The following CCDC102B variants were observed in gnomAD, a reference collection of about 807,000 sequenced individuals.
CCDC102B encodes the protein coiled-coil domain-containing protein 102B.
A neutral mutation model predicts 57.4 loss-of-function variants in CCDC102B; 75 were observed. The ratio of observed to expected loss-of-function variants is 1.31; its 90% CI spans 1.08 to 1.58. The LOEUF is 1.58. Ranked by LOEUF, CCDC102B falls within the 40% of genes most tolerant of loss-of-function variation. CCDC102B has a pLI of 0.00. For missense variants in CCDC102B, 636 were observed against 582.6 expected (o/e 1.09, Z -0.94); for synonymous variants, 206 against 201.9 (o/e 1.02, Z -0.17).
At chr18:68,979,114 T>C (rs1242475165) in intron 6 of CCDC102B, among the ~76,000 whole-genome samples, 3 of 152,016 alleles carry the variant, frequency 2.0e-5, no homozygotes, top group African/African-American at 7.2e-5. Context: ...GTATTCTAAG[T>C]GGGAGGTGGG....
In CCDC102B at chr18:68,743,243, AT is replaced by A. The variant is rs1377022560; in HGVS notation, c.-67+26650del. On this transcript the variant is annotated intron_variant, in intron 2 of 3. Transcript: ENST00000578970. ...AATAAATAAATAAATAAATAAATAA[AT>A]AAATAAATAAAAAATTAGACAGGTG... Among the ~76,000 whole-genome samples the A allele has an allele frequency of 2.8e-4, 24 of 84,354 alleles. No homozygotes were observed. In the South Asian group the frequency reaches 4.5e-3, roughly 16 times the overall value. 55.3% of individuals were successfully genotyped at this position (84,354 alleles called of 152,430 possible). A position where few individuals can be genotyped will look rare whatever the true frequency, so the allele number is the denominator to read the frequency against.
chr18:68,781,843 A>G (rs1468235632), intron 2 of CCDC102B, among the ~76,000 whole-genome samples: 3 of 152,070 alleles, frequency 2.0e-5, no homozygotes, highest in African/African-American at 7.2e-5. Flanking sequence ...TTTGTAGATT[A>G]TTTTAGTTAA....
chr18:68,765,306 AAGGAAGGAAG>A (rs1568238520), intron 2 of CCDC102B, among the ~76,000 whole-genome samples: 1 of 64,930 alleles, frequency 1.5e-5, no homozygotes, highest in Non-Finnish European at 3.1e-5. Flanking sequence ...GGAAGGAAGG[AAGGAAGGAAG>A]GAAGGAAGGA....
At chr18:68,754,571 GTGT>G (rs1444474324) in intron 2 of CCDC102B, 1 of 152,144 alleles carries the variant, frequency 6.6e-6, no homozygotes, top group Non-Finnish European at 1.5e-5. Context: ...ATGTTGCAGT[GTGT>G]TGTGATTCCA....
chr18:68,964,975 G>A (rs2050133109), intron 6 of CCDC102B, among the ~76,000 whole-genome samples: 1 of 151,824 alleles, frequency 6.6e-6, no homozygotes, highest in Non-Finnish European at 1.5e-5. Context: ...TTTCCCTATA[G>A]GTAAAGGGTT....
At chr18:68,906,937 T>TTATACTTC (rs2040672399) in intron 6 of CCDC102B, among the ~76,000 whole-genome samples, 3 of 152,048 alleles carry the variant, frequency 2.0e-5, no homozygotes, top group Admixed American at 2.0e-4. Context: ...TTTTATACTT[T>TTATACTTC]TACCTGTCAT....
chr18:68,824,893 TCACAC>T (rs1390018003), intron 1 of CCDC102B, among the ~76,000 whole-genome samples: 1 of 152,162 alleles, frequency 6.6e-6, no homozygotes. Flanking sequence ...CATCACACAG[TCACAC>T]ATGCACTCCA....
At position 69,019,203 on chromosome 18, in the gene CCDC102B, T is replaced by G. The variant is rs111334677; in HGVS notation, c.1434+8099T>G. Among the ~76,000 whole-genome samples the G allele has an allele frequency of 1.3e-3, 200 of 152,276 alleles. 1 individual carries two copies. Among genetic ancestry groups the G allele is most frequent in the African/African-American group, 4.4e-3 (184 of 41,592 alleles). On this transcript the variant is annotated intron_variant, in intron 7 of 7. Coordinates refer to ENST00000360242, the MANE Select transcript of CCDC102B (RefSeq NM_024781.3). ...TAAGACTACTTTGAGATCTTTTATGTTTCCAAATGTATTTTGAGCATTTTT... is the reference window on the plus strand; with the variant it reads ...TAAGACTACTTTGAGATCTTTTATGGTTCCAAATGTATTTTGAGCATTTTT...
chr18:68,826,216 G>C (rs1045881958), intron 1 of CCDC102B, among the ~76,000 whole-genome samples: 2 of 152,334 alleles, frequency 1.3e-5, no homozygotes, highest in Admixed American at 1.3e-4. Flanking sequence ...CTCTGGCCCT[G>C]AGTCTCTCTC....
chr18:68,765,329 GAAAGAAA>G (rs1568238835), intron 2 of CCDC102B, among the ~76,000 whole-genome samples: 120 of 60,034 alleles, frequency 2.0e-3, no homozygotes, highest in African/African-American at 6.4e-3. Flanking sequence ...AGGAAGGAAA[GAAAGAAA>G]GAAAGAAAGA....
chr18:68,927,034 TA>T (rs1206219494), intron 6 of CCDC102B, among the ~76,000 whole-genome samples: 8 of 151,982 alleles, frequency 5.3e-5, no homozygotes, highest in Non-Finnish European at 1.2e-4. Flanking sequence ...AGCCAAAAGT[TA>T]GTTTGTTTGA....
Position 68,921,768 on chromosome 18 carries a change from A to G in CCDC102B, c.1263+24340A>G, listed in dbSNP as rs75298905. ...AAGGGACTAACTCTGCCACAGCTTGAATGATCAAAGAAGCAAATCTCCTGT... is the reference window on the plus strand; with the variant it reads ...AAGGGACTAACTCTGCCACAGCTTGGATGATCAAAGAAGCAAATCTCCTGT... On this transcript the variant is annotated intron_variant, in intron 6 of 7. Transcript: ENST00000360242. Among the ~76,000 whole-genome samples the G allele has an allele frequency of 2.2e-3, 331 of 152,296 alleles. 12 individuals are homozygous for G. The East Asian group carries it at 0.053, about 24-fold the overall frequency.
chr18:68,960,824 T>C (rs1599757840), intron 6 of CCDC102B, among the ~76,000 whole-genome samples: 1 of 152,158 alleles, frequency 6.6e-6, no homozygotes, highest in Non-Finnish European at 1.5e-5. Flanking sequence ...TCACAATCAC[T>C]GTACCCTCTC....
chr18:68,981,771 A>G (rs1374598313), intron 6 of CCDC102B, among the ~76,000 whole-genome samples: 1 of 151,952 alleles, frequency 6.6e-6, no homozygotes, highest in African/African-American at 2.4e-5. Flanking sequence ...AGTTGGATCT[A>G]GAATTATTTA....
At chr18:68,824,921 G>A (rs1046209461) in intron 1 of CCDC102B, among the ~76,000 whole-genome samples, 1 of 152,016 alleles carries the variant, frequency 6.6e-6, no homozygotes, top group African/African-American at 2.4e-5. Context: ...AATAAAAACT[G>A]GAAAGGCATA....
intron 6 of CCDC102B, chr18:68,992,815 C>A: frequency 6.1e-6 from 1 of 162,870 alleles, no homozygotes; most frequent in South Asian, 1.5e-4. Flanking sequence ...AGCCACTCGT[C>A]GTGGTCATGC....
chr18:68,968,845 A>G (rs1209361239), intron 6 of CCDC102B, among the ~76,000 whole-genome samples: 2 of 152,120 alleles, frequency 1.3e-5, no homozygotes, highest in Non-Finnish European at 2.9e-5. Context: ...TTCGAGGTCC[A>G]TACATGTTCT....
At chr18:68,924,765 T>A (rs1297913751) in intron 6 of CCDC102B, among the ~76,000 whole-genome samples, 1 of 152,110 alleles carries the variant, frequency 6.6e-6, no homozygotes, top group Admixed American at 6.5e-5. Context: ...TGGTCCTCAC[T>A]TCAAGGTTCT....
chr18:68,938,400 G>A (rs934565377), intron 6 of CCDC102B, among the ~76,000 whole-genome samples: 38 of 151,906 alleles, frequency 2.5e-4, no homozygotes, highest in African/African-American at 2.2e-4. Flanking sequence ...AGCATTTTGT[G>A]TATGGTAAAG....
Sources: gnomAD v4.1 joint callset for allele counts (sites outside exome capture counted in the v4.1 genomes callset) on GRCh38, gnomAD v4.1.1 for gene constraint, MANE v1.5 for transcripts, NCBI Gene and HGNC (gene_info 2026-07-23, HGNC 2026-07-21) for gene names.